GALNT18: variants seen among roughly 807,000 people sequenced by gnomAD.
GALNT18 encodes the protein GalNAc-transferase 18.
In GALNT18, 44 loss-of-function variants were observed where a neutral mutation model predicts 69.5. That is an observed-to-expected ratio of 0.63 (90% CI 0.50 to 0.81). The LOEUF (loss-of-function observed/expected upper bound fraction) is 0.81. Ranked by LOEUF, GALNT18 falls within the 40% of genes least tolerant of loss-of-function variation. The pLI is 0.00. For missense variants in GALNT18, 715 were observed against 810.0 expected (o/e 0.88, Z 1.42); for synonymous variants, 364 against 318.2 (o/e 1.14, Z -1.53).
intron 1 of GALNT18, among the ~76,000 whole-genome samples, chr11:11,551,683 A>T (rs1448568781): frequency 6.6e-6 from 1 of 152,158 alleles, no homozygotes; most frequent in Non-Finnish European, 1.5e-5. Flanking sequence ...TAGAAAGGAA[A>T]ATTGTCTCAC....
intron 1 of GALNT18, among the ~76,000 whole-genome samples, chr11:11,537,860 G>A (rs1029243530): frequency 2.0e-5 from 3 of 152,150 alleles, no homozygotes; most frequent in Admixed American, 6.5e-5. Context: ...AAAATCTGAT[G>A]GCTCTATTTG....
rs1159336761 is a variant in GALNT18, at chr11:11,465,336, T to C, written c.236-16400A>G. On this transcript the variant is annotated intron_variant, in intron 1 of 10. Coordinates refer to ENST00000227756, the MANE Select transcript of GALNT18 (RefSeq NM_198516.3). The surrounding 1 kb of genome is among the most constrained non-coding windows in gnomAD (Gnocchi z 5.7). Reference sequence around the variant, plus strand: ...GTGGGCAGGGTCATCCATCACACTGTGTAGCCCAGGGCTAGGAAGCAGAGA... The same window carrying C: ...GTGGGCAGGGTCATCCATCACACTGCGTAGCCCAGGGCTAGGAAGCAGAGA... Among the ~76,000 whole-genome samples the C allele has an allele frequency of 1.3e-5, 2 of 152,158 alleles. No homozygotes were observed. Among genetic ancestry groups the C allele is most frequent in the African/African-American group, 2.4e-5 (1 of 41,430 alleles).
chr11:11,442,332 C>T (rs1215885077), intron 2 of GALNT18, among the ~76,000 whole-genome samples: 2 of 152,154 alleles, frequency 1.3e-5, no homozygotes, highest in East Asian at 1.9e-4. Flanking sequence ...AGTTTAAAGC[C>T]ATCTGATCAG....
At chr11:11,322,047 G>A (rs1442037634) in intron 9 of GALNT18, among the ~76,000 whole-genome samples, 1 of 152,168 alleles carries the variant, frequency 6.6e-6, no homozygotes, top group Non-Finnish European at 1.5e-5. Context: ...AGTAATAATG[G>A]TAACACCATC....
chr11:11,352,606 G>A (rs1056934), intron 6 of GALNT18: 12 of 1,614,010 alleles, frequency 7.4e-6, no homozygotes, highest in East Asian at 2.2e-5. Flanking sequence ...TCTATTAGTC[G>A]TAGCTTTCTG....
At chr11:11,457,234 T>C (rs192644251) in intron 1 of GALNT18, among the ~76,000 whole-genome samples, 65 of 152,334 alleles carry the variant, frequency 4.3e-4, no homozygotes, top group Non-Finnish European at 5.7e-4. Flanking sequence ...GGAAACGGGC[T>C]TCAGAGTGAA....
intron 3 of GALNT18, among the ~76,000 whole-genome samples, chr11:11,392,935 A>G (rs1854229991): frequency 6.6e-6 from 1 of 152,252 alleles, no homozygotes; most frequent in Non-Finnish European, 1.5e-5. Flanking sequence ...GGGGCAGGTC[A>G]GTCAGACTTT....
intron 1 of GALNT18, among the ~76,000 whole-genome samples, chr11:11,507,006 A>G (rs1301949884): frequency 6.6e-6 from 1 of 152,224 alleles, no homozygotes; most frequent in Admixed American, 6.5e-5. Flanking sequence ...CACCTGCAAG[A>G]AAGTTACTCT....
intron 3 of GALNT18, among the ~76,000 whole-genome samples, chr11:11,388,547 T>C (rs957248488): frequency 6.6e-6 from 1 of 152,170 alleles, no homozygotes; most frequent in African/African-American, 2.4e-5. Flanking sequence ...CCACTGCCTG[T>C]GGTATAGATG....
At chr11:11,462,766 C>G (rs1202737722) in intron 1 of GALNT18, among the ~76,000 whole-genome samples, 1 of 152,164 alleles carries the variant, frequency 6.6e-6, no homozygotes, top group Non-Finnish European at 1.5e-5. Context: ...CACCTGAAGT[C>G]ACACAGCCAG....
In GALNT18 at chr11:11,454,983, T is replaced by C. The variant is rs552415958; in HGVS notation, c.236-6047A>G. 9.2e-5 allele frequency among the ~76,000 whole-genome samples: 14 copies of C among 152,348 alleles called. No individual in the cohort carries two copies. In the South Asian group the frequency reaches 1.9e-3, roughly 20 times the overall value. On this transcript the variant is annotated intron_variant, in intron 1 of 10. Transcript: ENST00000227756. This position sits in a 1 kb window ranked among gnomAD's most constrained non-coding sequence, Gnocchi z 4.2. ...AAACAGGCTGACTCCTTCCTCATTG[T>C]TGACATTGAAATTCTCCCTGAGGGA...
In GALNT18 at chr11:11,435,450, CAAGA is replaced by C. The variant is rs776505146; in HGVS notation, c.429-2667_429-2664del. On this transcript the variant is annotated intron_variant, in intron 2 of 10. Transcript: ENST00000227756. This position sits in a 1 kb window ranked among gnomAD's most constrained non-coding sequence, Gnocchi z 4.4. Reference sequence around the variant, plus strand: ...TAAGCCCTGCTGATCACGATTTTCACAAGAAAGACTTTTGAACATAAAGTTTTCA... The same window carrying C: ...TAAGCCCTGCTGATCACGATTTTCACAAGACTTTTGAACATAAAGTTTTCA... Among the ~76,000 whole-genome samples the C allele has an allele frequency of 7.2e-5, 11 of 152,176 alleles. No homozygotes were observed. Among genetic ancestry groups the C allele is most frequent in the Non-Finnish European group, 1.0e-4 (7 of 68,036 alleles).
At position 11,271,140 on chromosome 11, in the gene GALNT18, T is replaced by C. The variant is rs758262896; in HGVS notation, c.*4A>G. 82 of 1,606,152 alleles carry C rather than the reference T, an allele frequency of 5.1e-5. No individual in the cohort carries two copies. Among genetic ancestry groups the C allele is most frequent in the Non-Finnish European group, 6.3e-5 (74 of 1,173,628 alleles). ...AAGAGGCAGCCGGAAGTGGCCCCGG[T>C]GGGTCAGGACGCGAGGCTCCTCAGG... On this transcript the variant is annotated 3_prime_UTR_variant, in exon 11 of 11. Coordinates refer to ENST00000227756, the MANE Select transcript of GALNT18 (RefSeq NM_198516.3).
At chr11:11,566,818 T>C (rs532485195) in intron 1 of GALNT18, among the ~76,000 whole-genome samples, 1 of 152,210 alleles carries the variant, frequency 6.6e-6, no homozygotes, top group East Asian at 1.9e-4. Context: ...TTGAACCCCT[T>C]CCATTCTTCA....
chr11:11,307,963 G>A (rs7951509), intron 9 of GALNT18, among the ~76,000 whole-genome samples: 23,062 of 152,180 alleles, frequency 0.15, 1,983 homozygotes, highest in African/African-American at 0.22. Flanking sequence ...CAAAAGCTGG[G>A]GGCCAGGGGT....
intron 1 of GALNT18, among the ~76,000 whole-genome samples, chr11:11,468,892 C>T (rs1330794208): frequency 1.3e-5 from 2 of 152,176 alleles, no homozygotes; most frequent in Admixed American, 6.5e-5. Context: ...CTGCCTTCAG[C>T]GACCTTCGTT....
At chr11:11,589,243 G>A (rs1859295546) in intron 1 of GALNT18, among the ~76,000 whole-genome samples, 1 of 152,148 alleles carries the variant, frequency 6.6e-6, no homozygotes, top group Non-Finnish European at 1.5e-5. Context: ...GAGGAAGTGG[G>A]GGGAGAAGTG....
In GALNT18 at chr11:11,511,819, C is replaced by T. The variant is rs551947501; in HGVS notation, c.236-62883G>A. ...TGGCAGTAAACAACCCAGAAGAGGGCCCTCACCAGACCCGGACCACACTGG... is the reference window on the plus strand; with the variant it reads ...TGGCAGTAAACAACCCAGAAGAGGGTCCTCACCAGACCCGGACCACACTGG... On this transcript the variant is annotated intron_variant, in intron 1 of 10. Transcript: ENST00000227756. This position sits in a 1 kb window ranked among gnomAD's most constrained non-coding sequence, Gnocchi z 4.9. Among the ~76,000 whole-genome samples the T allele has an allele frequency of 1.2e-4, 19 of 152,240 alleles. No individual in the cohort carries two copies. In the South Asian group the frequency reaches 3.9e-3, roughly 32 times the overall value.
chr11:11,364,327 A>G (rs1244837609), intron 6 of GALNT18, among the ~76,000 whole-genome samples: 2 of 152,234 alleles, frequency 1.3e-5, no homozygotes, highest in Non-Finnish European at 2.9e-5. Flanking sequence ...TGGGAACACA[A>G]GTAGACATCG....
Sources: gnomAD v4.1 joint callset for allele counts (sites outside exome capture counted in the v4.1 genomes callset) on GRCh38, gnomAD v4.1.1 for gene constraint, Gnocchi (gnomAD v3.1) non-coding constraint, MANE v1.5 for transcripts, NCBI Gene and HGNC (gene_info 2026-07-23, HGNC 2026-07-21) for gene names.